DLC1: variants seen among roughly 807,000 people sequenced by gnomAD.
DLC1 encodes DLC1 Rho GTPase activating protein, also known as rho GTPase-activating protein 7.
In DLC1, 54 loss-of-function variants were observed where a neutral mutation model predicts 140.3. The observed-to-expected ratio is 0.38, with a 90% CI of 0.31 to 0.48. The LOEUF is 0.48. DLC1 is among the 20% of genes least tolerant of loss of function. The probability of loss-of-function intolerance (pLI) is 0.96; values close to 1 mark genes in which losing one functional copy is unlikely to be tolerated. For synonymous variants in DLC1, 986 were observed against 728.1 expected, an observed-to-expected ratio of 1.35 and a Z score of -5.70; for missense variants, 2,536 against 1,907.0, an observed-to-expected ratio of 1.33 and a Z score of -6.14.
intron 1 of DLC1, among the ~76,000 whole-genome samples, chr8:13,577,418 A>AT (rs919762852): frequency 1.3e-5 from 2 of 152,028 alleles, no homozygotes; most frequent in Admixed American, 6.6e-5. Flanking sequence ...TAGGTAATGT[A>AT]TTTTTTGCAG....
chr8:13,436,811 G>A (rs1291370050), intron 2 of DLC1, among the ~76,000 whole-genome samples: 3 of 152,178 alleles, frequency 2.0e-5, no homozygotes, highest in Admixed American at 1.3e-4. Flanking sequence ...ATCACATAAA[G>A]TTAAAATGCA....
In DLC1 at chr8:13,083,606, G is replaced by C. The variant is rs563983003; in HGVS notation, c.*2205C>G. 3.1e-4 allele frequency: 48 copies of C among 152,738 alleles called. No individual in the cohort carries two copies. Among genetic ancestry groups the C allele is most frequent in the Middle Eastern group, 3.4e-3 (1 of 294 alleles). 9.5% of individuals were successfully genotyped at this position (152,738 alleles called of 1,614,324 possible). On this transcript the variant is annotated 3_prime_UTR_variant, in exon 18 of 18. Coordinates refer to ENST00000276297, the MANE Select transcript of DLC1 (RefSeq NM_182643.3). Reference sequence around the variant, plus strand: ...AACAGTGGGAAAGAGAACTTTTGTGGCATTCACTGGTGACCCTGACTCTGC... The same window carrying C: ...AACAGTGGGAAAGAGAACTTTTGTGCCATTCACTGGTGACCCTGACTCTGC...
chr8:13,521,906 C>G lies in DLC1; in HGVS notation c.-125-21710G>C, dbSNP rs143373395. On this transcript the variant is annotated intron_variant, in intron 1 of 1. Transcript: ENST00000631382. ...ACTGTGTATTACTATGTTCATAACA[C>G]CAGTCTGTGTATTGTCAATGCAGTA... Among the ~76,000 whole-genome samples the G allele has an allele frequency of 7.2e-5, 11 of 152,284 alleles. No homozygotes were observed. The East Asian group carries it at 1.4e-3, about 19-fold the overall frequency.
At chr8:13,229,629 G>C (rs1828953181) in intron 5 of DLC1, among the ~76,000 whole-genome samples, 1 of 151,102 alleles carries the variant, frequency 6.6e-6, no homozygotes, top group Non-Finnish European at 1.5e-5. Context: ...GAAGGAAGGA[G>C]AGAAGAAGGA....
At chr8:13,216,262 TAGAA>T (rs933277463) in intron 5 of DLC1, among the ~76,000 whole-genome samples, 8 of 152,162 alleles carry the variant, frequency 5.3e-5, no homozygotes, top group African/African-American at 9.7e-5. Flanking sequence ...ACTCAAAACT[TAGAA>T]AGAGTCAAAG....
chr8:13,099,371 C>T lies in DLC1; in HGVS notation c.2966G>A (p.Gly989Glu). 6.2e-7 allele frequency: 1 copy of T among 1,613,898 alleles called. No homozygotes were observed. The highest frequency in any genetic ancestry group is 8.5e-7 in the Non-Finnish European group (1 of 1,179,958). The change falls in exon 9 of 18, where the codon GGG (glycine) becomes GAG (glutamate). Residue 989 changes from glycine (G) to glutamate (E), a missense_variant. By Grantham distance (98) the Gly-to-Glu change is moderately conservative. Coordinates refer to ENST00000276297, the MANE Select transcript of DLC1 (RefSeq NM_182643.3). ...EIPERRDSGV[G>E]ASLTRSNRHR... ...CCTGTTGGACCTGGTTAGGGAAGCCCCAACCCCAGAATCCCTTCTTTCCGG... is the reference window on the plus strand; with the variant it reads ...CCTGTTGGACCTGGTTAGGGAAGCCTCAACCCCAGAATCCCTTCTTTCCGG...
intron 1 of DLC1, among the ~76,000 whole-genome samples, chr8:13,525,790 G>T (rs1201740006): frequency 6.6e-6 from 1 of 152,074 alleles, no homozygotes; most frequent in South Asian, 2.1e-4. Context: ...TTTTGAAAAT[G>T]CCTTTTGAAG....
At chr8:13,256,222 G>C (rs149818596) in intron 5 of DLC1, among the ~76,000 whole-genome samples, 4,806 of 152,220 alleles carry the variant, frequency 0.032, 136 homozygotes, top group African/African-American at 0.072. Context: ...ATGTACAGTA[G>C]TTGTTACTAC....
chr8:13,440,042 T>G (rs944027419), intron 2 of DLC1, among the ~76,000 whole-genome samples: 2 of 152,148 alleles, frequency 1.3e-5, no homozygotes, highest in Non-Finnish European at 2.9e-5. Flanking sequence ...TAATAGGTAT[T>G]AGGAGGGGAA....
chr8:13,505,030 T>A (rs1339167687), intron 1 of DLC1, among the ~76,000 whole-genome samples: 1 of 152,186 alleles, frequency 6.6e-6, no homozygotes, highest in African/African-American at 2.4e-5. Flanking sequence ...AGAGGAATTT[T>A]ATAATAAAGT....
chr8:13,572,344 G>A (rs1028068195), intron 1 of DLC1, among the ~76,000 whole-genome samples: 4 of 152,032 alleles, frequency 2.6e-5, no homozygotes, highest in Non-Finnish European at 5.9e-5. Context: ...CTGCCTTGGT[G>A]TCCCAAAGTG....
At chr8:13,365,692 T>A (rs1835446958) in intron 4 of DLC1, among the ~76,000 whole-genome samples, 1 of 152,140 alleles carries the variant, frequency 6.6e-6, no homozygotes, top group South Asian at 2.1e-4. Flanking sequence ...TTCCACTGCA[T>A]ATTTAGCAGC....
chr8:13,277,838 G>A (rs1346285211), intron 5 of DLC1, among the ~76,000 whole-genome samples: 2 of 152,020 alleles, frequency 1.3e-5, no homozygotes, highest in African/African-American at 4.8e-5. Flanking sequence ...ATTTCAAGAA[G>A]CCATGCAAAT....
intron 1 of DLC1, among the ~76,000 whole-genome samples, chr8:13,594,257 C>A (rs945349025): frequency 2.6e-5 from 4 of 152,026 alleles, no homozygotes; most frequent in Non-Finnish European, 4.4e-5. Context: ...AAACAGAAAA[C>A]CTCATGACCT....
intron 5 of DLC1, among the ~76,000 whole-genome samples, chr8:13,219,961 C>T (rs367628640): frequency 5.3e-5 from 8 of 152,058 alleles, no homozygotes; most frequent in Non-Finnish European, 5.9e-5. Flanking sequence ...CATGAACTAT[C>T]GAGAATAGAT....
At chr8:13,154,471 G>A (rs116360122) in intron 5 of DLC1, among the ~76,000 whole-genome samples, 3,558 of 152,330 alleles carry the variant, frequency 0.023, 141 homozygotes, top group African/African-American at 0.081. Context: ...AGGGCCGGCG[G>A]TGCCGGCCAG....
intron 2 of DLC1, among the ~76,000 whole-genome samples, chr8:13,430,516 G>C (rs1307642589): frequency 6.6e-6 from 1 of 151,834 alleles, no homozygotes; most frequent in Non-Finnish European, 1.5e-5. Flanking sequence ...TCATTCTTTT[G>C]AAAAAAATGA....
chr8:13,462,553 G>A (rs1475689723), intron 2 of DLC1, among the ~76,000 whole-genome samples: 1 of 143,822 alleles, frequency 7.0e-6, no homozygotes, highest in African/African-American at 2.6e-5. Flanking sequence ...ACAGGTGTCC[G>A]CCACCACGCC....
At chr8:13,441,197 T>G (rs1798494274) in intron 2 of DLC1, among the ~76,000 whole-genome samples, 1 of 152,206 alleles carries the variant, frequency 6.6e-6, no homozygotes, top group Admixed American at 6.5e-5. Flanking sequence ...TAGGTATTGA[T>G]GGGACGTATC....
Sources: gnomAD v4.1 joint callset for allele counts (sites outside exome capture counted in the v4.1 genomes callset) on GRCh38, gnomAD v4.1.1 for gene constraint, MANE v1.5 for transcripts, NCBI Gene and HGNC (gene_info 2026-07-23, HGNC 2026-07-21) for gene names.